WDPCP: variants seen among roughly 807,000 people sequenced by gnomAD.
WDPCP encodes the protein WD repeat-containing and planar cell polarity effector protein fritz homolog.
WDPCP carries 71 observed loss-of-function variants against 93.1 expected under a neutral mutation model. The observed-to-expected ratio is 0.76, with a 90% CI of 0.63 to 0.93. The LOEUF is 0.93. Ranked by LOEUF, WDPCP falls within the 40% of genes least tolerant of loss-of-function variation. WDPCP has a pLI of 0.00. For synonymous variants in WDPCP, 315 were observed against 315.0 expected, an observed-to-expected ratio of 1.00 and a Z score of 0.00; for missense variants, 844 against 887.4, an observed-to-expected ratio of 0.95 and a Z score of 0.62.
intron 14 of WDPCP, chr2:63,228,703 G>A (rs62177785): frequency 4.6e-5 from 7 of 151,740 alleles, no homozygotes; most frequent in African/African-American, 1.2e-4. Context: ...TGTCCTTGCG[G>A]TAGTTTGCTG....
intron 14 of WDPCP, among the ~76,000 whole-genome samples, chr2:63,181,162 CTT>C (rs1266167857): frequency 6.6e-6 from 1 of 151,898 alleles, no homozygotes; most frequent in Non-Finnish European, 1.5e-5. Flanking sequence ...TGTCTGTTCT[CTT>C]ATTTCTTTTC....
intron 6 of WDPCP, among the ~76,000 whole-genome samples, chr2:63,449,702 G>A (rs1372775990): frequency 6.6e-6 from 1 of 152,078 alleles, no homozygotes; most frequent in Non-Finnish European, 1.5e-5. Context: ...CACTACACCA[G>A]ACAGAAAACT....
At chr2:63,141,694 G>C (rs959430126) in intron 17 of WDPCP, among the ~76,000 whole-genome samples, 5 of 152,152 alleles carry the variant, frequency 3.3e-5, no homozygotes, top group Admixed American at 3.3e-4. Flanking sequence ...AAAAGGATTG[G>C]TACCAATTCT....
intron 1 of WDPCP, among the ~76,000 whole-genome samples, chr2:63,534,508 C>T (rs1483275535): frequency 2.0e-5 from 3 of 152,138 alleles, no homozygotes; most frequent in Admixed American, 1.3e-4. Context: ...AAAGCTTATC[C>T]ATGACAATCA....
intron 2 of WDPCP, among the ~76,000 whole-genome samples, chr2:63,705,499 G>C (rs147986052): frequency 0.2 from 29,881 of 151,486 alleles, 3,155 homozygotes; most frequent in Middle Eastern, 0.28. Context: ...TATGTTGTGT[G>C]TCTGTTCTCA....
intron 17 of WDPCP, among the ~76,000 whole-genome samples, chr2:63,144,819 T>C (rs1246396693): frequency 1.3e-5 from 2 of 152,088 alleles, no homozygotes; most frequent in Non-Finnish European, 2.9e-5. Context: ...TTTTTGGGGG[T>C]GTTGAAGAGC....
At chr2:63,785,454 A>G (rs1442099558) in intron 2 of WDPCP, among the ~76,000 whole-genome samples, 1 of 152,120 alleles carries the variant, frequency 6.6e-6, no homozygotes, top group African/African-American at 2.4e-5. Context: ...GGCATTTATA[A>G]ATTAAGAACG....
chr2:63,594,330 A>AT (rs1709260765), intron 3 of WDPCP: 1 of 740,844 alleles, frequency 1.3e-6, no homozygotes, highest in Admixed American at 1.7e-5. Context: ...CCACGTAAAT[A>AT]TGCAGCACAT....
intron 14 of WDPCP, among the ~76,000 whole-genome samples, chr2:63,235,369 C>G (rs761860606): frequency 1.3e-5 from 2 of 152,002 alleles, no homozygotes; most frequent in Non-Finnish European, 2.9e-5. Context: ...GGCTACCAAT[C>G]AAAAAAAGCC....
intron 2 of WDPCP, among the ~76,000 whole-genome samples, chr2:63,774,081 A>T (rs1670268807): frequency 6.6e-6 from 1 of 152,152 alleles, no homozygotes; most frequent in Non-Finnish European, 1.5e-5. Context: ...TACTCTAAGA[A>T]AAATATGCCA....
At chr2:63,430,167 C>T (rs1036612799) in intron 9 of WDPCP, among the ~76,000 whole-genome samples, 2 of 152,064 alleles carry the variant, frequency 1.3e-5, no homozygotes, top group Non-Finnish European at 2.9e-5. Flanking sequence ...GAGCTAAACA[C>T]TGGGTATACA....
intron 2 of WDPCP, among the ~76,000 whole-genome samples, chr2:63,656,837 G>A (rs1445247328): frequency 2.0e-5 from 3 of 152,196 alleles, no homozygotes; most frequent in African/African-American, 4.8e-5. Flanking sequence ...AAGAGCAAGG[G>A]GGCTGAGGAA....
At chr2:63,500,483 A>G (rs918589537) in intron 1 of WDPCP, among the ~76,000 whole-genome samples, 3 of 54,484 alleles carry the variant, frequency 5.5e-5, no homozygotes, top group Admixed American at 1.9e-4. Flanking sequence ...GTGTGTGTGT[A>G]AAGTGGTTAT....
chr2:63,396,582 C>T (rs1014229405), intron 10 of WDPCP, among the ~76,000 whole-genome samples: 1 of 152,138 alleles, frequency 6.6e-6, no homozygotes, highest in Non-Finnish European at 1.5e-5. Flanking sequence ...GGCTGGGAAG[C>T]TACACTAGTG....
At chr2:63,585,155 C>T (rs1335541884) in intron 1 of WDPCP, among the ~76,000 whole-genome samples, 1 of 152,154 alleles carries the variant, frequency 6.6e-6, no homozygotes, top group Non-Finnish European at 1.5e-5. Context: ...TAAAGTGGTT[C>T]TCATTGAGAC....
chr2:63,232,035 C>T (rs1678942759), intron 14 of WDPCP, among the ~76,000 whole-genome samples: 2 of 152,150 alleles, frequency 1.3e-5, no homozygotes, highest in South Asian at 4.1e-4. Context: ...CACACATCTA[C>T]AACCATCTGG....
chr2:63,779,623 A>G (rs1194962303), intron 2 of WDPCP, among the ~76,000 whole-genome samples: 2 of 152,124 alleles, frequency 1.3e-5, no homozygotes, highest in Non-Finnish European at 2.9e-5. Context: ...ATAAATCACC[A>G]TCGATCTCTA....
In WDPCP at chr2:63,262,482, A is replaced by G. The variant is rs143442407; in HGVS notation, c.1813-3073T>C. Among the ~76,000 whole-genome samples the G allele has an allele frequency of 9.4e-4, 142 of 151,692 alleles. 2 individuals are homozygous for G. The highest frequency in any genetic ancestry group is 3.1e-3 in the African/African-American group (129 of 41,428). Reference sequence around the variant, plus strand: ...TCAAAACAAATGGTCAAGAATATCTAAAACTTATTCTAGTTAATTTTAAAA... The same window carrying G: ...TCAAAACAAATGGTCAAGAATATCTGAAACTTATTCTAGTTAATTTTAAAA... On this transcript the variant is annotated intron_variant, in intron 13 of 17. Coordinates refer to ENST00000272321, the MANE Select transcript of WDPCP (RefSeq NM_015910.7).
chr2:63,473,097 G>A (rs927582718), intron 6 of WDPCP, among the ~76,000 whole-genome samples: 3 of 152,154 alleles, frequency 2.0e-5, no homozygotes, highest in Admixed American at 6.6e-5. Context: ...TAGAAAGTTG[G>A]TTTACATGGG....
Sources: allele counts gnomAD v4.1 joint callset (sites outside exome capture counted in the v4.1 genomes callset), GRCh38; gene constraint gnomAD v4.1.1; transcripts MANE v1.5; gene names NCBI Gene and HGNC (gene_info 2026-07-23, HGNC 2026-07-21).